MAD1L1: variants seen among roughly 807,000 people sequenced by gnomAD.
The protein encoded by MAD1L1 is mitotic spindle assembly checkpoint protein MAD1.
Under a neutral mutation model 96.9 loss-of-function variants are expected in MAD1L1, and 95 were observed. That is an observed-to-expected ratio of 0.98 (90% CI 0.83 to 1.16). The LOEUF (loss-of-function observed/expected upper bound fraction) is 1.16, where lower values mean the gene tolerates loss of function less well. MAD1L1 is among the 50% of genes most tolerant of loss of function. The pLI is 0.00. For synonymous variants in MAD1L1, 473 were observed against 396.6 expected, an observed-to-expected ratio of 1.19 and a Z score of -2.29; for missense variants, 1,007 against 954.4, an observed-to-expected ratio of 1.06 and a Z score of -0.73.
chr7:1,887,696 T>G (rs886348843), intron 18 of MAD1L1, among the ~76,000 whole-genome samples: 1 of 150,304 alleles, frequency 6.7e-6, no homozygotes, highest in African/African-American at 2.5e-5. Flanking sequence ...TGGGTGGCTG[T>G]GCATGCATAG....
In MAD1L1 at chr7:1,980,459, G is replaced by A. The variant is rs193231481; in HGVS notation, c.1499C>T (p.Thr500Met). The A allele has an allele frequency of 7.8e-4, 1,261 of 1,611,646 alleles. 5 individuals are homozygous for A. In the African/African-American group the frequency reaches 0.012, roughly 16 times the overall value. Residue 500 changes from threonine (T) to methionine (M), a missense_variant, in exon 15 of 19, where the codon ACG becomes ATG. By Grantham distance (81) the Thr-to-Met change is moderately conservative. Transcript: ENST00000265854. ...TCCTCTCTGGGGGACGTACCTGAGCGTGTCCGCCTCCTCCCTGGAGAACAG... is the reference window on the plus strand; with the variant it reads ...TCCTCTCTGGGGGACGTACCTGAGCATGTCCGCCTCCTCCCTGGAGAACAG... ...SFLFSREEAD[T>M]LRLKVEELEG... is the part of the protein sequence containing the mutation.
At chr7:2,072,848 C>T (rs1036451431) in intron 11 of MAD1L1, among the ~76,000 whole-genome samples, 1 of 152,234 alleles carries the variant, frequency 6.6e-6, no homozygotes, top group Admixed American at 6.5e-5. Flanking sequence ...CAAACCCACA[C>T]CCTGCATCCT....
chr7:1,973,594 G>A (rs763372885), intron 15 of MAD1L1, among the ~76,000 whole-genome samples: 88 of 152,256 alleles, frequency 5.8e-4, no homozygotes, highest in Non-Finnish European at 9.4e-4. Flanking sequence ...CCCCACACAC[G>A]AGGACCACAG....
At chr7:2,194,855 C>G (rs974767006) in intron 10 of MAD1L1, among the ~76,000 whole-genome samples, 1 of 152,096 alleles carries the variant, frequency 6.6e-6, no homozygotes, top group Non-Finnish European at 1.5e-5. Context: ...AGGCAGATCA[C>G]CTGAAGTTAG....
At chr7:1,952,736 A>C (rs948401567) in intron 16 of MAD1L1, among the ~76,000 whole-genome samples, 2 of 152,140 alleles carry the variant, frequency 1.3e-5, no homozygotes, top group Non-Finnish European at 2.9e-5. Context: ...CACAGAGAGG[A>C]GCACTTCCCG....
chr7:1,861,934 C>G (rs1784553350), intron 18 of MAD1L1, among the ~76,000 whole-genome samples: 1 of 152,088 alleles, frequency 6.6e-6, no homozygotes, highest in Admixed American at 6.6e-5. Context: ...TCCTGGCCCC[C>G]CAGCCCAGGA....
intron 11 of MAD1L1, among the ~76,000 whole-genome samples, chr7:2,143,062 G>C (rs1238539422): frequency 6.6e-6 from 1 of 152,054 alleles, no homozygotes; most frequent in African/African-American, 2.4e-5. Context: ...ACCTCAAAAA[G>C]TGACAGCAGG....
rs551163992 is a variant in MAD1L1, at chr7:2,142,395, G to A, written c.1073+6757C>T. 8.6e-4 allele frequency among the ~76,000 whole-genome samples: 131 copies of A among 152,332 alleles called. No individual in the cohort carries two copies. The highest frequency in any genetic ancestry group is 1.3e-3 in the Non-Finnish European group (91 of 68,020). On this transcript the variant is annotated intron_variant, in intron 11 of 18. Transcript: ENST00000265854. This position sits in a 1 kb window ranked among gnomAD's most constrained non-coding sequence, Gnocchi z 4.7. ...CCTCTATGGCGCAGGTGCACTGTGC[G>A]TCCCAGGCATGGTCCGGGGCTGCGG...
intron 12 of MAD1L1, among the ~76,000 whole-genome samples, chr7:2,058,913 A>G (rs1441479415): frequency 3.1e-5 from 2 of 64,440 alleles, no homozygotes; most frequent in African/African-American, 1.6e-4. Flanking sequence ...GGAGAGGCGC[A>G]GGGCTGGAGA....
At chr7:2,219,563 T>G in intron 5 of MAD1L1, 107 bp from the exon 6 acceptor site, 14 of 1,243,680 alleles carry the variant, frequency 1.1e-5, no homozygotes, top group Non-Finnish European at 1.6e-5. Flanking sequence ...ACCCACGTGC[T>G]ATAATCAGGG....
intron 18 of MAD1L1, among the ~76,000 whole-genome samples, chr7:1,881,788 G>A (rs1443039852): frequency 6.6e-6 from 1 of 152,204 alleles, no homozygotes; most frequent in African/African-American, 2.4e-5. Context: ...CAGCAGACAC[G>A]ACCCGAGGCC....
intron 12 of MAD1L1, among the ~76,000 whole-genome samples, chr7:2,067,191 G>A (rs1022629643): frequency 7.6e-6 from 1 of 131,834 alleles, no homozygotes; most frequent in South Asian, 2.4e-4. Flanking sequence ...ATCAGGCCAC[G>A]TTCGCAGGCA....
At position 2,088,609 on chromosome 7, in the gene MAD1L1, A is replaced by T. The variant is rs1786050434; in HGVS notation, c.1074-19271T>A. Among the ~76,000 whole-genome samples the T allele has an allele frequency of 6.6e-6, 1 of 152,126 alleles. No homozygotes were observed. The highest frequency in any genetic ancestry group is 1.5e-5 in the Non-Finnish European group (1 of 68,022). Reference sequence around the variant, plus strand: ...TGGCACAGCCTGGGGCACTCCCAGCACTCAGCAGTGGCCATGAGCGAGAGG... The same window carrying T: ...TGGCACAGCCTGGGGCACTCCCAGCTCTCAGCAGTGGCCATGAGCGAGAGG... On this transcript the variant is annotated intron_variant, in intron 11 of 18. Coordinates refer to ENST00000265854, the MANE Select transcript of MAD1L1 (RefSeq NM_001013836.2). This position sits in a 1 kb window ranked among gnomAD's most constrained non-coding sequence, Gnocchi z 4.4.
chr7:1,940,999 A>ACCCTCCTCTTCCTCCCCCCGCAG (rs1562545602), intron 16 of MAD1L1, among the ~76,000 whole-genome samples: 2 of 149,372 alleles, frequency 1.3e-5, no homozygotes, highest in African/African-American at 2.5e-5. Flanking sequence ...CCCAGGCCTC[A>ACCCTCCTCTTCCTCCCCCCGCAG]GCCTCCTCTT....
At chr7:1,819,837 G>A (rs1782033806) in intron 18 of MAD1L1, among the ~76,000 whole-genome samples, 1 of 152,140 alleles carries the variant, frequency 6.6e-6, no homozygotes, top group Non-Finnish European at 1.5e-5. Flanking sequence ...CAAGGGGGAA[G>A]TGTGAGGGAT....
chr7:1,944,873 G>C (rs957238646), intron 16 of MAD1L1, among the ~76,000 whole-genome samples: 1 of 152,234 alleles, frequency 6.6e-6, no homozygotes, highest in Non-Finnish European at 1.5e-5. Context: ...CAGCTGATGG[G>C]GACAAAGACC....
intron 11 of MAD1L1, among the ~76,000 whole-genome samples, chr7:2,123,742 C>CGGCG (rs2128562826): frequency 6.6e-6 from 1 of 152,302 alleles, no homozygotes; most frequent in East Asian, 1.9e-4. Context: ...ATAGATCCTC[C>CGGCG]GGCGGCGTGG....
rs550140850 is a variant in MAD1L1 at position 1,968,331 on chromosome 7, A to G, written c.1506-10612T>C. ...CTGTCAACGCCTCAGTCTGGTGGTC[A>G]GGTCAACCGTCCACACCTCAGTCCA... On this transcript the variant is annotated intron_variant, in intron 15 of 18. Transcript: ENST00000265854. This position sits in a 1 kb window ranked among gnomAD's most constrained non-coding sequence, Gnocchi z 5.6. Among the ~76,000 whole-genome samples the G allele has an allele frequency of 9.3e-5, 14 of 149,954 alleles. No individual in the cohort carries two copies. Among genetic ancestry groups the G allele is most frequent in the African/African-American group, 2.5e-4 (10 of 40,468 alleles).
chr7:2,040,540 T>C (rs1294832279), intron 12 of MAD1L1, among the ~76,000 whole-genome samples: 1 of 152,262 alleles, frequency 6.6e-6, no homozygotes. Flanking sequence ...TCCATTCTGC[T>C]GCTGACCTTA....
Sources: gnomAD v4.1 joint callset for allele counts (sites outside exome capture counted in the v4.1 genomes callset) on GRCh38, gnomAD v4.1.1 for gene constraint, Gnocchi (gnomAD v3.1) non-coding constraint, MANE v1.5 for transcripts, NCBI Gene and HGNC (gene_info 2026-07-23, HGNC 2026-07-21) for gene names.